UBE2L3: variants seen among roughly 807,000 people sequenced by gnomAD.
The protein encoded by UBE2L3 is ubiquitin-conjugating enzyme E2 L3.
A neutral mutation model predicts 17.8 loss-of-function variants in UBE2L3; 1 was observed. The ratio of observed to expected loss-of-function variants is 0.06; its 90% CI spans 0.02 to 0.27. UBE2L3 has a LOEUF of 0.27. Ranked by LOEUF, UBE2L3 falls within the 10% of genes least tolerant of loss-of-function variation. UBE2L3 has a pLI of 1.00. For missense variants in UBE2L3, 40 were observed against 192.6 expected (o/e 0.21, Z 4.69); for synonymous variants, 44 against 68.5 (o/e 0.64, Z 1.76).
intron 1 of UBE2L3, among the ~76,000 whole-genome samples, chr22:21,571,297 T>G (rs1255933542): frequency 6.6e-6 from 1 of 152,206 alleles, no homozygotes; most frequent in Admixed American, 6.5e-5. Context: ...AGCTTCACAC[T>G]GCACACATTT....
At chr22:21,621,490 C>T in intron 3 of UBE2L3, 25 bp from the exon 4 acceptor site, 1 of 1,592,088 alleles carries the variant, frequency 6.3e-7, no homozygotes, top group Non-Finnish European at 8.5e-7. Context: ...TGTTAACCCC[C>T]CATGCCTTGT....
chr22:21,608,563 C>CA (rs1304497436), intron 2 of UBE2L3, among the ~76,000 whole-genome samples: 1 of 151,948 alleles, frequency 6.6e-6, no homozygotes, highest in Non-Finnish European at 1.5e-5. Context: ...AGCTGGACTA[C>CA]AGGCGTGCAC....
intron 2 of UBE2L3, among the ~76,000 whole-genome samples, chr22:21,607,636 T>A (rs1326647458): frequency 6.6e-6 from 1 of 151,150 alleles, no homozygotes; most frequent in African/African-American, 2.4e-5. Context: ...GGGAGTACAA[T>A]GGGAAGGGCT....
In UBE2L3 at chr22:21,591,692, G is replaced by T. The variant is rs1394037309; in HGVS notation, c.28-1169G>T. On this transcript the variant is annotated intron_variant, in intron 1 of 3. Coordinates refer to ENST00000342192, the MANE Select transcript of UBE2L3 (RefSeq NM_003347.4). The stretch of plus-strand genomic sequence containing the variant: ...GGCTTGATGTGGGGGCTGATAGGGA[G>T]CCCCCAAGCCACTGTGAGTTGAAGT... Among the ~76,000 whole-genome samples the T allele has an allele frequency of 1.3e-5, 2 of 151,852 alleles. 1 individual carries two copies. The highest frequency in any genetic ancestry group is 4.2e-4 in the South Asian group (2 of 4,814).
At chr22:21,578,288 A>T (rs574048883) in intron 1 of UBE2L3, among the ~76,000 whole-genome samples, 1 of 151,192 alleles carries the variant, frequency 6.6e-6, no homozygotes, top group South Asian at 2.1e-4. Context: ...TGAACCCGGG[A>T]GTCGGAGCTT....
At chr22:21,612,447 TTCCGA>T (rs1929529897) in intron 3 of UBE2L3, among the ~76,000 whole-genome samples, 1 of 151,894 alleles carries the variant, frequency 6.6e-6, no homozygotes, top group Admixed American at 6.6e-5. Context: ...TGCCTCAGCC[TTCCGA>T]GTAGCTGGGA....
intron 1 of UBE2L3, among the ~76,000 whole-genome samples, chr22:21,561,970 C>T (rs1254360774): frequency 6.6e-6 from 1 of 152,146 alleles, no homozygotes; most frequent in Non-Finnish European, 1.5e-5. Flanking sequence ...GTATAAGTGT[C>T]CAGTGCCCAT....
intron 2 of UBE2L3, among the ~76,000 whole-genome samples, chr22:21,597,774 GATTT>G (rs1928615123): frequency 1.4e-5 from 1 of 73,478 alleles, no homozygotes; most frequent in African/African-American, 4.5e-5. Flanking sequence ...TTTATATGTA[GATTT>G]TTTTTTTTTT....
intron 1 of UBE2L3, among the ~76,000 whole-genome samples, chr22:21,558,885 T>C (rs536810874): frequency 1.9e-4 from 29 of 152,056 alleles, no homozygotes; most frequent in African/African-American, 6.5e-4. Flanking sequence ...AGGTGCTCAG[T>C]AAATACAGGA....
intron 1 of UBE2L3, among the ~76,000 whole-genome samples, chr22:21,575,631 CTTTTTTTTTTTTT>C (rs533923826): frequency 5.5e-5 from 4 of 73,392 alleles, no homozygotes; most frequent in African/African-American, 1.2e-4. Context: ...AGTTGAATAG[CTTTTTTTTTTTTT>C]TTTTTTTTTT....
intron 2 of UBE2L3, among the ~76,000 whole-genome samples, chr22:21,593,935 T>A (rs16978746): frequency 3.9e-5 from 6 of 152,148 alleles, no homozygotes; most frequent in Non-Finnish European, 7.3e-5. Context: ...CCTACTACTT[T>A]CGGCATCATA....
intron 1 of UBE2L3, among the ~76,000 whole-genome samples, chr22:21,573,486 G>C (rs1034481864): frequency 1.3e-5 from 2 of 152,088 alleles, no homozygotes; most frequent in African/African-American, 4.8e-5. Context: ...AAAATGGCAC[G>C]TACCTGGAAC....
intron 1 of UBE2L3, chr22:21,551,224 CG>C: frequency 7.8e-6 from 1 of 128,490 alleles, no homozygotes; most frequent in South Asian, 1.6e-4. Flanking sequence ...CCAGGATGCA[CG>C]GGGGCTTTTC....
At chr22:21,576,693 C>T (rs900496751) in intron 1 of UBE2L3, among the ~76,000 whole-genome samples, 21 of 151,854 alleles carry the variant, frequency 1.4e-4, no homozygotes, top group Non-Finnish European at 2.2e-4. Flanking sequence ...CTCGGCCTCC[C>T]AAAATTCTAG....
intron 1 of UBE2L3, among the ~76,000 whole-genome samples, chr22:21,558,951 C>T (rs1355053563): frequency 6.6e-6 from 1 of 151,858 alleles, no homozygotes. Context: ...AGGGAATTGA[C>T]AGTCCATGAT....
At chr22:21,610,616 A>G (rs149171025) in intron 2 of UBE2L3, among the ~76,000 whole-genome samples, 3 of 152,258 alleles carry the variant, frequency 2.0e-5, no homozygotes, top group African/African-American at 7.2e-5. Context: ...AGTAAAGTCT[A>G]TTTTTTAAAA....
upstream of UBE2L3, among the ~76,000 whole-genome samples, chr22:21,566,146 T>A (rs1044214875): frequency 6.6e-6 from 1 of 152,018 alleles, no homozygotes; most frequent in Non-Finnish European, 1.5e-5. Flanking sequence ...CTAATTTTTG[T>A]ATTTTTAGTA....
chr22:21,617,357 C>T (rs1379618354), intron 3 of UBE2L3, among the ~76,000 whole-genome samples: 2 of 151,962 alleles, frequency 1.3e-5, no homozygotes, highest in African/African-American at 4.8e-5. Context: ...ACCTCCGCCT[C>T]CTGGATTCAA....
At chr22:21,578,902 C>T (rs967597635) in intron 1 of UBE2L3, among the ~76,000 whole-genome samples, 5 of 151,942 alleles carry the variant, frequency 3.3e-5, no homozygotes, top group African/African-American at 1.2e-4. Flanking sequence ...AGCCTCAGTG[C>T]CCTGATTTGT....
Sources: gnomAD v4.1 joint callset for allele counts (sites outside exome capture counted in the v4.1 genomes callset) on GRCh38, gnomAD v4.1.1 for gene constraint, MANE v1.5 for transcripts, NCBI Gene and HGNC (gene_info 2026-07-23, HGNC 2026-07-21) for gene names.